CNTNAP2: variants seen among roughly 807,000 people sequenced by gnomAD.
CNTNAP2 encodes the protein contactin associated protein 2.
Under a neutral mutation model 155.2 loss-of-function variants are expected in CNTNAP2, and 98 were observed. That is an observed-to-expected ratio of 0.63 (90% CI 0.54 to 0.75). The LOEUF (loss-of-function observed/expected upper bound fraction) is 0.75. Among genes scored for constraint, CNTNAP2 ranks in the 30% least tolerant of loss-of-function variants. The pLI, the probability that CNTNAP2 is intolerant of heterozygous loss-of-function variation, is 0.00. For synonymous variants in CNTNAP2, 651 were observed against 631.2 expected (o/e 1.03, Z -0.47); for missense variants, 1,727 against 1,688.1 (o/e 1.02, Z -0.40).
At chr7:147,764,971 A>T (rs2116525618) in intron 13 of CNTNAP2, among the ~76,000 whole-genome samples, 1 of 152,270 alleles carries the variant, frequency 6.6e-6, no homozygotes, top group Admixed American at 6.5e-5. Flanking sequence ...TTTCTAAACA[A>T]CTTATTTCTG....
intron 21 of CNTNAP2, among the ~76,000 whole-genome samples, chr7:148,353,383 G>A (rs771704420): frequency 1.4e-4 from 21 of 152,294 alleles, no homozygotes; most frequent in Middle Eastern, 6.8e-3. Flanking sequence ...CCCAAAACCT[G>A]GAACTCGAGG....
At chr7:147,326,115 G>A (rs912111718) in intron 9 of CNTNAP2, among the ~76,000 whole-genome samples, 38 of 152,092 alleles carry the variant, frequency 2.5e-4, no homozygotes, top group Non-Finnish European at 3.7e-4. Flanking sequence ...TAGTAGAGAT[G>A]GGGTTTCACC....
At chr7:146,365,359 T>C (rs962790874) in intron 1 of CNTNAP2, among the ~76,000 whole-genome samples, 1 of 152,190 alleles carries the variant, frequency 6.6e-6, no homozygotes, top group African/African-American at 2.4e-5. Flanking sequence ...ATAATAAAAC[T>C]TGTTTTGGTT....
At chr7:146,889,437 A>T (rs957668654) in intron 3 of CNTNAP2, among the ~76,000 whole-genome samples, 28 of 152,070 alleles carry the variant, frequency 1.8e-4, no homozygotes, top group African/African-American at 6.8e-4. Context: ...TAACTCTCAG[A>T]TGCAAGTCAT....
At chr7:147,590,549 T>C (rs1800717780) in intron 12 of CNTNAP2, among the ~76,000 whole-genome samples, 1 of 152,186 alleles carries the variant, frequency 6.6e-6, no homozygotes, top group Non-Finnish European at 1.5e-5. Flanking sequence ...GGTGAGTCAA[T>C]TAAGCCTCTT....
chr7:146,315,246 T>C (rs1800888151), intron 1 of CNTNAP2, among the ~76,000 whole-genome samples: 1 of 152,128 alleles, frequency 6.6e-6, no homozygotes. Flanking sequence ...CAAATTCTTC[T>C]TTGTTTTTGT....
At chr7:147,432,867 G>A (rs1797487959) in intron 10 of CNTNAP2, among the ~76,000 whole-genome samples, 1 of 152,130 alleles carries the variant, frequency 6.6e-6, no homozygotes, top group Non-Finnish European at 1.5e-5. Context: ...TTAGAGCTGT[G>A]CTGCTTTCCT....
chr7:148,070,613 G>C lies in CNTNAP2; in HGVS notation c.2384-47505G>C, dbSNP rs899733271. Among the ~76,000 whole-genome samples, 13 of 152,182 alleles carry C rather than the reference G, an allele frequency of 8.5e-5. No individual in the cohort carries two copies. The East Asian group carries it at 1.7e-3, about 20-fold the overall frequency. On this transcript the variant is annotated intron_variant, in intron 15 of 23. Coordinates refer to ENST00000361727, the MANE Select transcript of CNTNAP2 (RefSeq NM_014141.6). ...ACACCTGGTAGTCCCAGCTACTTGGGAGGCTGAGGCAGAAGAATTGCTTGA... is the reference window on the plus strand; with the variant it reads ...ACACCTGGTAGTCCCAGCTACTTGGCAGGCTGAGGCAGAAGAATTGCTTGA...
intron 11 of CNTNAP2, among the ~76,000 whole-genome samples, chr7:147,503,228 C>A (rs34582667): frequency 0.32 from 48,492 of 151,800 alleles, 7,963 homozygotes; most frequent in East Asian, 0.43. Context: ...TTGTACATGC[C>A]TCAATCTATT....
chr7:146,841,851 C>G (rs942152915), intron 3 of CNTNAP2, among the ~76,000 whole-genome samples: 1 of 150,512 alleles, frequency 6.6e-6, no homozygotes, highest in African/African-American at 2.4e-5. Context: ...GGAAAAAAGG[C>G]TAAGGAGGAT....
chr7:147,083,637 G>T (rs13310250), intron 4 of CNTNAP2, among the ~76,000 whole-genome samples: 1 of 142,568 alleles, frequency 7.0e-6, no homozygotes, highest in Admixed American at 7.2e-5. Context: ...CTGTATGTGT[G>T]TATATATCTA....
At chr7:146,201,639 AGTGTGTGTGT>A (rs57595774) in intron 1 of CNTNAP2, among the ~76,000 whole-genome samples, 77 of 146,882 alleles carry the variant, frequency 5.2e-4, no homozygotes, top group African/African-American at 1.8e-3. Context: ...ATGTCCCACG[AGTGTGTGTGT>A]GTGTGTGTGT....
chr7:146,183,073 T>C (rs1347046233), intron 1 of CNTNAP2, among the ~76,000 whole-genome samples: 7 of 152,228 alleles, frequency 4.6e-5, no homozygotes, highest in African/African-American at 1.7e-4. Context: ...CTTCTTGGAA[T>C]GGTATTTTTG....
chr7:148,288,448 C>T (rs183847785), intron 21 of CNTNAP2, among the ~76,000 whole-genome samples: 219 of 152,232 alleles, frequency 1.4e-3, no homozygotes, highest in Middle Eastern at 0.01. Context: ...GGACCCACCG[C>T]GATGACCTTA....
At chr7:146,952,952 A>G (rs537149199) in intron 3 of CNTNAP2, among the ~76,000 whole-genome samples, 8 of 152,186 alleles carry the variant, frequency 5.3e-5, no homozygotes, top group African/African-American at 1.9e-4. Context: ...GCACATGTTT[A>G]TTGTAAGTGA....
At chr7:147,902,433 TG>T (rs1208047282) in intron 13 of CNTNAP2, among the ~76,000 whole-genome samples, 2 of 152,352 alleles carry the variant, frequency 1.3e-5, no homozygotes, top group East Asian at 3.9e-4. Flanking sequence ...TGTAGGTTTT[TG>T]GGTAACAGGT....
chr7:146,342,295 A>T (rs1341765662), intron 1 of CNTNAP2, among the ~76,000 whole-genome samples: 1 of 152,276 alleles, frequency 6.6e-6, no homozygotes, highest in African/African-American at 2.4e-5. Context: ...AACATACTAC[A>T]AGTTGAAATC....
At chr7:147,729,062 A>G (rs1405500643) in intron 13 of CNTNAP2, among the ~76,000 whole-genome samples, 5 of 150,584 alleles carry the variant, frequency 3.3e-5, no homozygotes, top group East Asian at 3.9e-4. Context: ...GTCTTGCCCT[A>G]TTGCTAGGAC....
chr7:146,295,399 G>C (rs1800497637), intron 1 of CNTNAP2, among the ~76,000 whole-genome samples: 1 of 152,086 alleles, frequency 6.6e-6, no homozygotes, highest in Non-Finnish European at 1.5e-5. Context: ...TACCCTTCCA[G>C]TTTTCTAGGC....
Sources: gnomAD v4.1 joint callset for allele counts (sites outside exome capture counted in the v4.1 genomes callset) on GRCh38, gnomAD v4.1.1 for gene constraint, MANE v1.5 for transcripts, NCBI Gene and HGNC (gene_info 2026-07-23, HGNC 2026-07-21) for gene names.